The following NFIA variants were observed in gnomAD, a reference collection of about 807,000 sequenced individuals.
The protein encoded by NFIA is nuclear factor I A.
Under a neutral mutation model 62.8 loss-of-function variants are expected in NFIA, and 8 were observed. The observed-to-expected ratio is 0.13, with a 90% CI of 0.07 to 0.23. The LOEUF (loss-of-function observed/expected upper bound fraction) is 0.23, where lower values mean the gene tolerates loss of function less well. Ranked by LOEUF, NFIA falls within the 10% of genes least tolerant of loss-of-function variation. NFIA has a pLI of 1.00. For missense variants in NFIA, 410 were observed against 642.1 expected (o/e 0.64, Z 3.91); for synonymous variants, 235 against 238.1 (o/e 0.99, Z 0.12).
At chr1:61,077,313 T>A (rs1646044133), upstream of NFIA, 1 of 310,896 alleles carries the variant, frequency 3.2e-6, no homozygotes, top group Admixed American at 4.9e-5. Context: ...AGAGCGAATC[T>A]GAGAACCAGC....
chr1:61,246,195 A>G (rs1655637074), intron 2 of NFIA, among the ~76,000 whole-genome samples: 2 of 152,196 alleles, frequency 1.3e-5, no homozygotes, highest in South Asian at 2.1e-4. Context: ...TGAAGATCTA[A>G]TAATAATGCT....
At chr1:61,157,377 C>T (rs1648890542) in intron 2 of NFIA, among the ~76,000 whole-genome samples, 1 of 151,524 alleles carries the variant, frequency 6.6e-6, no homozygotes, top group African/African-American at 2.4e-5. Context: ...TACAACAGTT[C>T]AACACACTCG....
At chr1:61,434,554 C>A (rs929938670) in intron 10 of NFIA, among the ~76,000 whole-genome samples, 3 of 152,210 alleles carry the variant, frequency 2.0e-5, no homozygotes, top group African/African-American at 7.2e-5. Context: ...TCCTTGGCCA[C>A]AAACTTCACT....
chr1:61,375,828 T>C (rs1664124178), intron 6 of NFIA, among the ~76,000 whole-genome samples: 3 of 152,236 alleles, frequency 2.0e-5, no homozygotes, highest in African/African-American at 7.2e-5. Context: ...ATTTTTCTGC[T>C]CTCCTGTGCA....
intron 2 of NFIA, among the ~76,000 whole-genome samples, chr1:61,166,355 C>T (rs1649564931): frequency 6.6e-6 from 1 of 152,060 alleles, no homozygotes; most frequent in Non-Finnish European, 1.5e-5. Flanking sequence ...AATGACTTGC[C>T]TGAGATATGT....
chr1:61,206,027 C>CAG (rs1285272013), intron 2 of NFIA, among the ~76,000 whole-genome samples: 1 of 151,544 alleles, frequency 6.6e-6, no homozygotes, highest in African/African-American at 2.4e-5. Flanking sequence ...CTGATCCTCC[C>CAG]TCCTCAGCCT....
intron 3 of NFIA, among the ~76,000 whole-genome samples, chr1:61,293,193 C>T (rs1277215930): frequency 3.3e-5 from 5 of 152,176 alleles, no homozygotes; most frequent in Non-Finnish European, 4.4e-5. Flanking sequence ...TGAGCCTCTC[C>T]TTGTTCTTCT....
chr1:61,093,631 C>T (rs1225330302), intron 2 of NFIA, among the ~76,000 whole-genome samples: 1 of 152,058 alleles, frequency 6.6e-6, no homozygotes, highest in African/African-American at 2.4e-5. Flanking sequence ...ATATCCTTTA[C>T]CTAGAATGTA....
intron 5 of NFIA, among the ~76,000 whole-genome samples, chr1:61,353,864 A>T (rs1312813596): frequency 6.6e-6 from 1 of 152,226 alleles, no homozygotes; most frequent in Non-Finnish European, 1.5e-5. Flanking sequence ...TATATTTATA[A>T]TAGAAGAAAG....
chr1:61,332,478 G>T, intron 3 of NFIA, 34 bp from the exon 4 acceptor site: 1 of 1,583,848 alleles, frequency 6.3e-7, no homozygotes, highest in South Asian at 1.1e-5. Flanking sequence ...TTGTATTTAT[G>T]ACACTTTGTT....
At chr1:61,312,513 CTT>C (rs992598387) in intron 3 of NFIA, among the ~76,000 whole-genome samples, 12 of 143,304 alleles carry the variant, frequency 8.4e-5, no homozygotes, top group South Asian at 2.2e-4. Flanking sequence ...CAAATTAAGA[CTT>C]TTTTTTTTTT....
intron 2 of NFIA, among the ~76,000 whole-genome samples, chr1:61,181,221 C>T (rs1390834036): frequency 6.6e-6 from 1 of 152,164 alleles, no homozygotes; most frequent in East Asian, 1.9e-4. Flanking sequence ...ATTAGACTGG[C>T]AATCCCCTTT....
At chr1:61,294,277 G>C (rs1001008316) in intron 3 of NFIA, among the ~76,000 whole-genome samples, 1 of 152,164 alleles carries the variant, frequency 6.6e-6, no homozygotes, top group Non-Finnish European at 1.5e-5. Flanking sequence ...AACATCTGCT[G>C]TATGGCAGAT....
chr1:61,462,158 G>A lies in NFIA; in HGVS notation c.*6838G>A, dbSNP rs1419197790. On this transcript the variant is annotated 3_prime_UTR_variant, in exon 11 of 11. Transcript: ENST00000403491. ...ACTAACGGCTCGGTGCCTTCTCCCT[G>A]GTCTCAGACCATCGTCTCTGCACTG... 6.7e-6 allele frequency: 1 copy of A among 150,274 alleles called. No individual in the cohort carries two copies. The highest frequency in any genetic ancestry group is 1.5e-5 in the Non-Finnish European group (1 of 67,842). 9.3% of individuals were successfully genotyped at this position (150,274 alleles called of 1,614,324 possible). A position where few individuals can be genotyped will look rare whatever the true frequency, so the allele number is the denominator to read the frequency against.
chr1:61,390,221 A>G (rs1055524128), intron 7 of NFIA, among the ~76,000 whole-genome samples: 6 of 152,240 alleles, frequency 3.9e-5, no homozygotes, highest in South Asian at 4.1e-4. Context: ...CATTATGGGC[A>G]TGGAAAACAG....
intron 2 of NFIA, among the ~76,000 whole-genome samples, chr1:61,196,111 A>G (rs113168724): frequency 0.02 from 3,031 of 152,220 alleles, 91 homozygotes; most frequent in African/African-American, 0.055. Context: ...CTTTGTAGGT[A>G]TGTTTGTTCT....
chr1:61,126,437 AACAC>A (rs61077935), intron 2 of NFIA, among the ~76,000 whole-genome samples: 872 of 74,822 alleles, frequency 0.012, 10 homozygotes, highest in East Asian at 0.043. Flanking sequence ...TTTGAAAATG[AACAC>A]ACACACACAC....
chr1:61,199,236 A>G (rs1481792349), intron 2 of NFIA, among the ~76,000 whole-genome samples: 1 of 152,196 alleles, frequency 6.6e-6, no homozygotes. Context: ...ATAGGATTAG[A>G]TGGAGCATTC....
chr1:61,090,098 A>C (rs1233222663), intron 2 of NFIA, among the ~76,000 whole-genome samples: 1 of 152,200 alleles, frequency 6.6e-6, no homozygotes, highest in African/African-American at 2.4e-5. Context: ...ACCTCTAAGC[A>C]GGAATAAGTA....
Sources: gnomAD v4.1 joint callset for allele counts (sites outside exome capture counted in the v4.1 genomes callset) on GRCh38, gnomAD v4.1.1 for gene constraint, MANE v1.5 for transcripts, NCBI Gene and HGNC (gene_info 2026-07-23, HGNC 2026-07-21) for gene names.